Variants in PRKX observed in about 807,000 individuals in gnomAD.
PRKX encodes the protein protein kinase cAMP-dependent X-linked catalytic subunit, also known as cAMP-dependent protein kinase catalytic subunit PRKX.
Under a neutral mutation model 22.0 loss-of-function variants are expected in PRKX, and 12 were observed. The observed-to-expected ratio is 0.54, with a 90% CI of 0.35 to 0.88. The LOEUF is 0.88. Among genes scored for constraint, PRKX ranks in the 40% least tolerant of loss-of-function variants. The probability of loss-of-function intolerance (pLI) is 0.01; values close to 1 mark genes in which losing one functional copy is unlikely to be tolerated. For missense variants in PRKX, 217 were observed against 308.0 expected, an observed-to-expected ratio of 0.70 and a Z score of 2.21; for synonymous variants, 134 against 137.7, an observed-to-expected ratio of 0.97 and a Z score of 0.19.
intron 1 of PRKX, among the ~76,000 whole-genome samples, chrX:3,690,927 GC>G (rs1312372343): frequency 8.9e-6 from 1 of 112,012 alleles, no homozygotes; most frequent in Non-Finnish European, 1.9e-5. Flanking sequence ...AAAAACAAGG[GC>G]TGGTTTTCAC....
At position 3,621,278 on chromosome X, in the gene PRKX, C is replaced by G; in HGVS notation, c.854G>C (p.Arg285Thr). 1.7e-6 allele frequency: 2 copies of G among 1,208,954 alleles called. No homozygotes were observed. The highest frequency in any genetic ancestry group is 2.2e-6 in the Non-Finnish European group (2 of 894,072). Residue 285 changes from arginine to threonine, a missense_variant, in exon 6 of 9, where the codon AGG becomes ACG. Coordinates refer to ENST00000262848, the MANE Select transcript of PRKX (RefSeq NM_005044.5). The part of the protein sequence containing the change: ...IKKLLVVDRT[R>T]RLGNMKNGAN... ...ACTGACCTTCATGTTTCCTAATCGC[C>G]TTGTTCTGTCAACCACGAGCAGTTT...
intron 3 of PRKX, among the ~76,000 whole-genome samples, chrX:3,643,107 T>A (rs1463613224): frequency 3.8e-5 from 2 of 52,696 alleles, no homozygotes; most frequent in African/African-American, 2.1e-4. Flanking sequence ...TTTGGCTCTT[T>A]ACACCCCCAC....
intron 4 of PRKX, among the ~76,000 whole-genome samples, chrX:3,639,393 A>G (rs1248132914): frequency 2.3e-4 from 1 of 4,351 alleles, no homozygotes; most frequent in Non-Finnish European, 4.3e-4. Flanking sequence ...ATGAAGGGGT[A>G]GAGGGGTGGG....
chrX:3,636,250 G>C (rs771156774), intron 4 of PRKX, among the ~76,000 whole-genome samples: 1 of 112,285 alleles, frequency 8.9e-6, no homozygotes, highest in East Asian at 2.8e-4. Flanking sequence ...GCTGCGATAG[G>C]AAAGGTGCAG....
At chrX:3,630,356 C>T (rs778375872) in intron 4 of PRKX, among the ~76,000 whole-genome samples, 24 of 111,249 alleles carry the variant, frequency 2.2e-4, no homozygotes, top group East Asian at 5.7e-4. Flanking sequence ...TCAAGGAGAT[C>T]GAGACCATCC....
intron 1 of PRKX, among the ~76,000 whole-genome samples, chrX:3,692,089 GGGGGAGGGAGGGAGAGCGAGAGT>G (rs1194237131): frequency 1.9e-5 from 2 of 104,383 alleles, no homozygotes; most frequent in African/African-American, 7.0e-5. Context: ...ATGGGTGGAG[GGGGGAGGGAGGGAGAGCGAGAGT>G]GGGGAGGGGA....
chrX:3,616,028 C>A, intron 6 of PRKX, 136 bp from the exon 7 acceptor site: 1 of 551,238 alleles, frequency 1.8e-6, no homozygotes, highest in Non-Finnish European at 3.0e-6. Flanking sequence ...GAGAACTGTG[C>A]CTGGAGGGTG....
At chrX:3,677,327 CT>C (rs532175668) in intron 1 of PRKX, among the ~76,000 whole-genome samples, 1,202 of 90,587 alleles carry the variant, frequency 0.013, 22 homozygotes, top group African/African-American at 0.04. Context: ...ATTGTTTTGT[CT>C]TTTTTTTTTT....
At chrX:3,698,477 G>A (rs906363274) in intron 1 of PRKX, among the ~76,000 whole-genome samples, 2 of 111,304 alleles carry the variant, frequency 1.8e-5, no homozygotes, top group South Asian at 3.8e-4. Flanking sequence ...ATGAGCCACC[G>A]TGTCCAGAAA....
chrX:3,642,906 G>C (rs1927109317), intron 3 of PRKX, among the ~76,000 whole-genome samples: 1 of 102,760 alleles, frequency 9.7e-6, no homozygotes, highest in Non-Finnish European at 1.9e-5. Context: ...GCTGAGGCAG[G>C]AGAAATGTTT....
chrX:3,638,943 G>A (rs1205941992), intron 4 of PRKX, among the ~76,000 whole-genome samples: 1 of 103,217 alleles, frequency 9.7e-6, no homozygotes, highest in African/African-American at 3.6e-5. Context: ...TAGATAACAG[G>A]TAGGTAGGCA....
At chrX:3,650,540 A>AAAAG (rs11429932) in intron 3 of PRKX, among the ~76,000 whole-genome samples, 24 of 94,418 alleles carry the variant, frequency 2.5e-4, no homozygotes, top group African/African-American at 7.8e-4. Context: ...AAAAAAAAAA[A>AAAAG]GAGAGAAAAA....
chrX:3,617,877 C>T (rs1297200246), intron 6 of PRKX, among the ~76,000 whole-genome samples: 1 of 109,397 alleles, frequency 9.1e-6, no homozygotes, highest in South Asian at 4.0e-4. Context: ...ACGTTACCTA[C>T]GGCACCTAAT....
chrX:3,694,811 G>T (rs769220880), intron 1 of PRKX, among the ~76,000 whole-genome samples: 1 of 106,198 alleles, frequency 9.4e-6, no homozygotes, highest in African/African-American at 3.4e-5. Flanking sequence ...AGATGAGAAG[G>T]CCACGTGGAG....
At position 3,606,984 on chromosome X, in the gene PRKX, A is replaced by G. The variant is rs951597928; in HGVS notation, c.*1985T>C. ...TCATTTTCCTGCATATCAGTTCACA[A>G]TTAAGGCATTTCAGGCTTTCCTGAT... On this transcript the variant is annotated 3_prime_UTR_variant, in exon 9 of 9. Transcript: ENST00000262848. 4.5e-5 allele frequency: 5 copies of G among 112,093 alleles called. No individual in the cohort carries two copies. Among genetic ancestry groups the G allele is most frequent in the African/African-American group, 1.6e-4 (5 of 30,820 alleles). 9.2% of individuals were successfully genotyped at this position (112,093 alleles called of 1,213,427 possible).
At chrX:3,647,723 C>G (rs1362071973) in intron 3 of PRKX, among the ~76,000 whole-genome samples, 1 of 109,381 alleles carries the variant, frequency 9.1e-6, no homozygotes, top group South Asian at 3.9e-4. Flanking sequence ...AAAATACACA[C>G]AGCATAGAAT....
chrX:3,629,708 G>A (rs776894369), intron 4 of PRKX, among the ~76,000 whole-genome samples: 7 of 111,762 alleles, frequency 6.3e-5, no homozygotes, highest in Non-Finnish European at 1.1e-4. Flanking sequence ...AGGCTGGAGT[G>A]CAGTGGTGCA....
intron 3 of PRKX, among the ~76,000 whole-genome samples, chrX:3,642,959 C>G (rs1482012096): frequency 2.2e-5 from 2 of 92,926 alleles, no homozygotes; most frequent in African/African-American, 8.5e-5. Context: ...GAATGCGCCA[C>G]TGCACTTTAC....
At chrX:3,685,738 T>TA (rs1397276237) in intron 1 of PRKX, among the ~76,000 whole-genome samples, 1,648 of 102,250 alleles carry the variant, frequency 0.016, 19 homozygotes, top group Middle Eastern at 0.029. Context: ...AAGAGGAATT[T>TA]AAAAAAAAAA....
Sources: gnomAD v4.1 joint callset for allele counts (sites outside exome capture counted in the v4.1 genomes callset) on GRCh38, gnomAD v4.1.1 for gene constraint, MANE v1.5 for transcripts, NCBI Gene and HGNC (gene_info 2026-07-23, HGNC 2026-07-21) for gene names.